Variants in DNAJC2 observed in about 807,000 individuals in gnomAD.
The protein encoded by DNAJC2 is DnaJ heat shock protein family (Hsp40) member C2.
Under a neutral mutation model 94.0 loss-of-function variants are expected in DNAJC2, and 32 were observed. The ratio of observed to expected loss-of-function variants is 0.34; its 90% CI spans 0.26 to 0.46. The LOEUF (loss-of-function observed/expected upper bound fraction) is 0.46, where lower values mean the gene tolerates loss of function less well. DNAJC2 is among the 20% of genes least tolerant of loss of function. DNAJC2 has a pLI of 1.00. For synonymous variants in DNAJC2, 210 were observed against 229.7 expected, an observed-to-expected ratio of 0.91 and a Z score of 0.77; for missense variants, 550 against 719.5, an observed-to-expected ratio of 0.76 and a Z score of 2.69.
At chr7:103,321,906 C>T in intron 10 of DNAJC2, 26 bp downstream of exon 10, 1 of 1,583,818 alleles carries the variant, frequency 6.3e-7, no homozygotes, top group Non-Finnish European at 8.6e-7. Flanking sequence ...TTTACTTGTG[C>T]CTAGTGTTTG....
intron 12 of DNAJC2, among the ~76,000 whole-genome samples, chr7:103,318,733 C>T (rs1395580590): frequency 6.6e-6 from 1 of 152,134 alleles, no homozygotes. Context: ...CTAGACAGAA[C>T]AAAGATCTCT....
intron 5 of DNAJC2, among the ~76,000 whole-genome samples, chr7:103,325,919 CAAA>C (rs1363169402): frequency 1.3e-5 from 2 of 152,018 alleles, no homozygotes; most frequent in Non-Finnish European, 2.9e-5. Flanking sequence ...AAGAGGAAAT[CAAA>C]GAATGGAAAA....
At chr7:103,334,903 G>A (rs1161229447) in intron 3 of DNAJC2, among the ~76,000 whole-genome samples, 1 of 152,072 alleles carries the variant, frequency 6.6e-6, no homozygotes, top group East Asian at 1.9e-4. Context: ...GTGCAATCTC[G>A]GCTGGCTGCA....
chr7:103,338,543 T>G (rs1819262436), intron 2 of DNAJC2, among the ~76,000 whole-genome samples: 1 of 151,552 alleles, frequency 6.6e-6, no homozygotes, highest in Non-Finnish European at 1.5e-5. Context: ...GTGATATACC[T>G]GCCTTGGCCT....
chr7:103,342,548 G>C (rs1819414779), intron 1 of DNAJC2, among the ~76,000 whole-genome samples: 3 of 151,488 alleles, frequency 2.0e-5, no homozygotes, highest in Admixed American at 6.6e-5. Flanking sequence ...CAGGTGATCT[G>C]CCTGCCTCGG....
chr7:103,324,242 T>C (rs1431133658), intron 6 of DNAJC2, among the ~76,000 whole-genome samples: 1 of 152,186 alleles, frequency 6.6e-6, no homozygotes, highest in Admixed American at 6.5e-5. Flanking sequence ...AAAATGTACT[T>C]ATTTTTATTC....
chr7:103,313,362 T>C (rs371612852), intron 15 of DNAJC2: 1 of 1,135,180 alleles, frequency 8.8e-7, no homozygotes, highest in Non-Finnish European at 1.1e-6. Context: ...GTTTATCTCT[T>C]AAAAATCAAT....
At chr7:103,327,556 G>C in intron 4 of DNAJC2, 100 bp downstream of exon 4, 2 of 789,170 alleles carry the variant, frequency 2.5e-6, no homozygotes, top group Non-Finnish European at 4.1e-6. Context: ...AATGTCAAAG[G>C]ATAGTTGAAT....
chr7:103,326,551 C>A lies in DNAJC2; in HGVS notation c.564G>T (p.Arg188Ser), dbSNP rs530867878. Residue 188 changes from arginine to serine, a missense_variant, in exon 5 of 17, where the codon AGG becomes AGT. Transcript: ENST00000379263. ...GGGATGCCTTAACTTACCTGGAATT[C>A]CTTTCAAACACTGGGGTAAACACTT... is the stretch of plus-strand genomic sequence containing the variant. Reference protein sequence around the residue: ...FFEVFTPVFERNSRWSNKKNV... With the variant: ...FFEVFTPVFESNSRWSNKKNV... 6.2e-7 allele frequency: 1 copy of A among 1,613,904 alleles called. No homozygotes were observed. The highest frequency in any genetic ancestry group is 1.7e-5 in the Admixed American group (1 of 59,994).
chr7:103,335,680 G>A (rs1003003172), intron 3 of DNAJC2: 1 of 151,970 alleles, frequency 6.6e-6, no homozygotes, highest in African/African-American at 2.4e-5. Context: ...CAAGTAGTTG[G>A]GCTTACAGGC....
chr7:103,326,720 C>G, intron 4 of DNAJC2, 36 bp from the exon 5 acceptor site: 1 of 1,561,640 alleles, frequency 6.4e-7, no homozygotes, highest in Non-Finnish European at 8.6e-7. Flanking sequence ...ATCACCATAA[C>G]TTTACCTATT....
rs573688764 is a variant in DNAJC2 at position 103,314,207 on chromosome 7, C to A, written c.1637-1106G>T. On this transcript the variant is annotated intron_variant, in intron 15 of 16. Transcript: ENST00000379263. ...GCCCTAAATACCATAGATTTTATTT[C>A]CTCTCTTGGAAAAAAGATGGAAGTG... The A allele has an allele frequency of 8.1e-6, 8 of 985,290 alleles. 1 individual carries two copies. In the East Asian group the frequency reaches 9.1e-4, roughly 112 times the overall value. The allele number at this position is 985,290 out of a possible 1,614,324, so 61.0% of individuals were successfully genotyped here.
intron 3 of DNAJC2, chr7:103,336,881 G>A (rs1266291004): frequency 6.6e-6 from 1 of 152,164 alleles, no homozygotes; most frequent in Non-Finnish European, 1.5e-5. Flanking sequence ...ACGATTTTGA[G>A]TTCATCTACT....
At chr7:103,322,174 A>T (rs1354469657) in intron 9 of DNAJC2, 93 bp from the exon 10 acceptor site, 1 of 995,490 alleles carries the variant, frequency 1.0e-6, no homozygotes, top group Non-Finnish European at 1.4e-6. Context: ...AATAAATTAT[A>T]TTAGGAAAAA....
chr7:103,317,250 A>G (rs1196382894), intron 12 of DNAJC2: 8 of 453,760 alleles, frequency 1.8e-5, no homozygotes, highest in Non-Finnish European at 2.7e-5. Context: ...CCCAGTACTC[A>G]TGTCATGTGA....
chr7:103,341,651 A>G lies in DNAJC2; in HGVS notation c.255+113T>C, dbSNP rs1230926934. The G allele has an allele frequency of 4.6e-6, 4 of 864,868 alleles. No homozygotes were observed. In the Admixed American group the frequency reaches 1.2e-4, roughly 25 times the overall value. 53.6% of individuals were successfully genotyped at this position (864,868 alleles called of 1,614,324 possible). The stretch of plus-strand genomic sequence containing the variant: ...CTTAGTAATAAACAGATGCTAAATC[A>G]TAGTTATCTTGCTGAATCATCTTAA... On this transcript the variant is annotated intron_variant, in intron 2 of 16. Coordinates refer to ENST00000379263, the MANE Select transcript of DNAJC2 (RefSeq NM_014377.3).
At chr7:103,313,947 A>G (rs1817900651) in intron 15 of DNAJC2, 1 of 985,234 alleles carries the variant, frequency 1.0e-6, no homozygotes, top group South Asian at 4.7e-5. Context: ...TAGCCTGACT[A>G]CTACTAGAAA....
At chr7:103,339,763 G>A (rs535549765) in intron 2 of DNAJC2, among the ~76,000 whole-genome samples, 15 of 151,990 alleles carry the variant, frequency 9.9e-5, no homozygotes, top group African/African-American at 3.4e-4. Context: ...CACCATGCCC[G>A]GTCCAGTGTT....
chr7:103,319,198 A>G (rs1170276131), intron 12 of DNAJC2, among the ~76,000 whole-genome samples: 1 of 152,146 alleles, frequency 6.6e-6, no homozygotes, highest in African/African-American at 2.4e-5. Context: ...CAGCACTTTG[A>G]GAAGCCTACA....
Sources: gnomAD v4.1 joint callset for allele counts (sites outside exome capture counted in the v4.1 genomes callset) on GRCh38, gnomAD v4.1.1 for gene constraint, MANE v1.5 for transcripts, NCBI Gene and HGNC (gene_info 2026-07-23, HGNC 2026-07-21) for gene names.